EPHA5: variants seen among roughly 807,000 people sequenced by gnomAD.
EPHA5 encodes EPH receptor A5, also known as ephrin type-A receptor 5.
Under a neutral mutation model 105.0 loss-of-function variants are expected in EPHA5, and 60 were observed. That is an observed-to-expected ratio of 0.57 (90% confidence interval 0.46 to 0.71). The LOEUF is 0.71. Among genes scored for constraint, EPHA5 ranks in the 30% least tolerant of loss-of-function variants. The pLI is 0.00. For synonymous variants in EPHA5, 513 were observed against 449.1 expected, an observed-to-expected ratio of 1.14 and a Z score of -1.80; for missense variants, 1,218 against 1,274.7, an observed-to-expected ratio of 0.96 and a Z score of 0.68.
At position 65,650,559 on chromosome 4, in the gene EPHA5, C is replaced by CAAAAAAAAAAAAAAAAAAAAAAAA. The variant is rs59357895; in HGVS notation, c.182-7133_182-7132insTTTTTTTTTTTTTTTTTTTTTTTT. 2.1e-4 allele frequency among the ~76,000 whole-genome samples: 24 copies of CAAAAAAAAAAAAAAAAAAAAAAAA among 116,988 alleles called. 1 individual carries two copies. The highest frequency in any genetic ancestry group is 5.2e-4 in the African/African-American group (14 of 27,174). 76.7% of individuals were successfully genotyped at this position (116,988 alleles called of 152,430 possible). ...TGGGCAACAGAGTGAGACTCAGTCT[C>CAAAAAAAAAAAAAAAAAAAAAAAA]AAAAAAAAAAAAAGAGCTAGTTGTT... On this transcript the variant is annotated intron_variant, in intron 1 of 16. Coordinates refer to ENST00000613740, the MANE Select transcript of EPHA5 (RefSeq NM_001281766.3).
At chr4:65,497,402 T>C (rs1035092318) in intron 3 of EPHA5, among the ~76,000 whole-genome samples, 1 of 152,156 alleles carries the variant, frequency 6.6e-6, no homozygotes, top group African/African-American at 2.4e-5. Context: ...TTATAAATTC[T>C]GAGAAAATGT....
At chr4:65,498,251 C>A (rs1390594525) in intron 3 of EPHA5, among the ~76,000 whole-genome samples, 1 of 151,810 alleles carries the variant, frequency 6.6e-6, no homozygotes, top group African/African-American at 2.4e-5. Context: ...GGACAGAGGG[C>A]ACCAGGCCAC....
intron 5 of EPHA5, among the ~76,000 whole-genome samples, chr4:65,483,063 A>G (rs987485135): frequency 2.0e-5 from 3 of 152,004 alleles, no homozygotes; most frequent in Admixed American, 2.0e-4. Context: ...TCCTGTGTCC[A>G]AGTGTTCTCA....
intron 14 of EPHA5, among the ~76,000 whole-genome samples, chr4:65,338,472 T>C (rs968388664): frequency 1.3e-5 from 2 of 149,848 alleles, no homozygotes; most frequent in African/African-American, 2.4e-5. Context: ...TTTAGCACCC[T>C]TTTTTTTTCA....
intron 7 of EPHA5, 79 bp from the exon 8 acceptor site, chr4:65,404,558 T>C (rs770962678): frequency 3.3e-6 from 4 of 1,224,978 alleles, no homozygotes; most frequent in South Asian, 2.6e-5. Flanking sequence ...TAATAGACAG[T>C]AATCAATTCA....
chr4:65,520,358 ACC>A (rs1200700632), intron 3 of EPHA5, among the ~76,000 whole-genome samples: 1 of 152,192 alleles, frequency 6.6e-6, no homozygotes, highest in Non-Finnish European at 1.5e-5. Flanking sequence ...CCTTCCTTAC[ACC>A]TTATACAAAA....
rs367553142 is a variant in EPHA5 at position 65,375,782 on chromosome 4, CACAT to C, written c.1794-8362_1794-8359del. On this transcript the variant is annotated intron_variant, in intron 8 of 16. Coordinates refer to ENST00000613740, the MANE Select transcript of EPHA5 (RefSeq NM_001281766.3). Reference sequence around the variant, plus strand: ...GTTTTTCATAGCACAGAAACACACACACATACACACACACACACACACACACACA... The same window carrying C: ...GTTTTTCATAGCACAGAAACACACACACACACACACACACACACACACACA... 3.0e-3 allele frequency among the ~76,000 whole-genome samples: 336 copies of C among 111,498 alleles called. 2 individuals carry two copies. Among genetic ancestry groups the C allele is most frequent in the Middle Eastern group, 4.3e-3 (1 of 234 alleles). The allele number at this position is 111,498 out of a possible 152,430, so 73.1% of individuals were successfully genotyped here.
At chr4:65,411,657 A>C (rs1722921563) in intron 7 of EPHA5, among the ~76,000 whole-genome samples, 1 of 152,190 alleles carries the variant, frequency 6.6e-6, no homozygotes. Flanking sequence ...GGAAATAATA[A>C]ATGTACATAA....
At chr4:65,535,408 A>G (rs941538475) in intron 3 of EPHA5, among the ~76,000 whole-genome samples, 11 of 152,244 alleles carry the variant, frequency 7.2e-5, no homozygotes, top group African/African-American at 2.6e-4. Context: ...TAGTTGAACA[A>G]TTTTGGGGAC....
At chr4:65,376,800 T>C (rs544834498) in intron 8 of EPHA5, among the ~76,000 whole-genome samples, 1 of 152,144 alleles carries the variant, frequency 6.6e-6, no homozygotes, top group Non-Finnish European at 1.5e-5. Context: ...GACGTATGAA[T>C]GCTTGACATA....
chr4:65,488,666 A>T (rs1731110630), intron 5 of EPHA5, among the ~76,000 whole-genome samples: 1 of 152,186 alleles, frequency 6.6e-6, no homozygotes, highest in Non-Finnish European at 1.5e-5. Flanking sequence ...AAAAAATATA[A>T]ACGATTCACT....
intron 3 of EPHA5, among the ~76,000 whole-genome samples, chr4:65,503,745 T>C (rs1732722113): frequency 6.6e-6 from 1 of 151,832 alleles, no homozygotes; most frequent in Non-Finnish European, 1.5e-5. Context: ...TTAAGACATT[T>C]TTCTTACCAT....
chr4:65,418,881 T>TTTTTTTTTTTTTTTTTTTTTTTTTTTTG, intron 6 of EPHA5, among the ~76,000 whole-genome samples: 1 of 125,272 alleles, frequency 8.0e-6, no homozygotes, highest in African/African-American at 3.2e-5. Flanking sequence ...TTTTTTTTTT[T>TTTTTTTTTTTTTTTTTTTTTTTTTTTTG]TTTTTTTTTT....
At chr4:65,435,700 C>A (rs1489675099) in intron 5 of EPHA5, among the ~76,000 whole-genome samples, 4 of 152,022 alleles carry the variant, frequency 2.6e-5, no homozygotes, top group African/African-American at 9.7e-5. Flanking sequence ...CTGTCACTAT[C>A]TTAGCATTAG....
At chr4:65,385,923 A>G (rs1286662782) in intron 8 of EPHA5, among the ~76,000 whole-genome samples, 1 of 151,912 alleles carries the variant, frequency 6.6e-6, no homozygotes, top group East Asian at 1.9e-4. Flanking sequence ...GAGCCAACAT[A>G]GACAAAATAA....
intron 1 of EPHA5, among the ~76,000 whole-genome samples, chr4:65,643,914 T>C (rs1246862053): frequency 6.6e-6 from 1 of 152,050 alleles, no homozygotes; most frequent in East Asian, 1.9e-4. Flanking sequence ...TGTAACATTT[T>C]TTGTGATATT....
chr4:65,526,037 C>G (rs1019923799), intron 3 of EPHA5, among the ~76,000 whole-genome samples: 2 of 151,742 alleles, frequency 1.3e-5, no homozygotes, highest in Non-Finnish European at 2.9e-5. Flanking sequence ...TAAATCCTAT[C>G]AGTATTTAGC....
intron 5 of EPHA5, among the ~76,000 whole-genome samples, chr4:65,480,119 G>A (rs1270969150): frequency 2.0e-5 from 3 of 151,996 alleles, no homozygotes; most frequent in Non-Finnish European, 1.5e-5. Flanking sequence ...AGGAGACAAG[G>A]AAAGAAGGAA....
At chr4:65,650,776 T>C (rs1748542714) in intron 1 of EPHA5, among the ~76,000 whole-genome samples, 1 of 152,122 alleles carries the variant, frequency 6.6e-6, no homozygotes, top group African/African-American at 2.4e-5. Context: ...ATCTCCTAAC[T>C]GCTCTCTCTG....
Sources: gnomAD v4.1 joint callset for allele counts (sites outside exome capture counted in the v4.1 genomes callset) on GRCh38, gnomAD v4.1.1 for gene constraint, MANE v1.5 for transcripts, NCBI Gene and HGNC (gene_info 2026-07-23, HGNC 2026-07-21) for gene names.